Variants in M1AP observed in about 807,000 individuals in gnomAD.
M1AP encodes meiosis 1 arrest protein.
In M1AP, 39 loss-of-function variants were observed where a neutral mutation model predicts 51.2. The observed-to-expected ratio is 0.76, with a 90% CI of 0.59 to 1.00. The LOEUF is 1.00. M1AP is among the 50% of genes least tolerant of loss of function. The pLI is 0.00. For synonymous variants in M1AP, 251 were observed against 249.2 expected, an observed-to-expected ratio of 1.01 and a Z score of -0.07; for missense variants, 545 against 641.2, an observed-to-expected ratio of 0.85 and a Z score of 1.62.
At chr2:74,586,960 C>T (rs1347168964) in intron 4 of M1AP, among the ~76,000 whole-genome samples, 1 of 151,280 alleles carries the variant, frequency 6.6e-6, no homozygotes, top group African/African-American at 2.4e-5. Context: ...TGAGATCGCG[C>T]CATTGCACAC....
Position 74,648,261 on chromosome 2 carries a change from G to A in M1AP, c.-53+4C>T. 2.0e-6 allele frequency: 2 copies of A among 984,762 alleles called. No homozygotes were observed. The highest frequency in any genetic ancestry group is 2.4e-6 in the Non-Finnish European group (2 of 829,294). 61.0% of individuals were successfully genotyped at this position (984,762 alleles called of 1,614,324 possible). ...CTCCCTCCCCGAGGCGTGGAGAACC[G>A]TACCTGTCTTCGGAAGACGGAGGCC... On this transcript the variant is annotated splice_donor_region_variant and intron_variant, in intron 1 of 10. Coordinates refer to ENST00000421985, the MANE Select transcript of M1AP (RefSeq NM_001321739.2).
chr2:74,557,920 G>GT lies in M1AP; in HGVS notation c.*795_*796insA, dbSNP rs1677612553. On this transcript the variant is annotated 3_prime_UTR_variant, in exon 11 of 11. Coordinates refer to ENST00000421985, the MANE Select transcript of M1AP (RefSeq NM_001321739.2). ...AGTTTTTATTATTTATGTAGAGATG[G>GT]CGGGGGGGTCTCACAGTGTTGCTCA... 6.7e-6 allele frequency: 1 copy of GT among 149,062 alleles called. No homozygotes were observed. Among genetic ancestry groups the GT allele is most frequent in the South Asian group, 2.1e-4 (1 of 4,660 alleles). 9.2% of individuals were successfully genotyped at this position (149,062 alleles called of 1,614,324 possible). A position where few individuals can be genotyped will look rare whatever the true frequency, so the allele number is the denominator to read the frequency against.
chr2:74,611,693 G>A (rs1163074766), intron 3 of M1AP, among the ~76,000 whole-genome samples: 3 of 151,416 alleles, frequency 2.0e-5, no homozygotes, highest in Non-Finnish European at 2.9e-5. Context: ...TTAGTCAGGC[G>A]TGGTGGCGCA....
chr2:74,613,193 G>A (rs976045035), intron 3 of M1AP, among the ~76,000 whole-genome samples: 1 of 151,954 alleles, frequency 6.6e-6, no homozygotes, highest in Non-Finnish European at 1.5e-5. Context: ...CATTCCGTCT[G>A]CTTTATCCAT....
chr2:74,565,825 TCACA>T (rs72206117), intron 7 of M1AP, among the ~76,000 whole-genome samples: 9,420 of 137,538 alleles, frequency 0.068, 366 homozygotes, highest in African/African-American at 0.11. Flanking sequence ...TGAGATGCCG[TCACA>T]CACACACACA....
chr2:74,628,457 C>T, intron 2 of M1AP: 2 of 415,930 alleles, frequency 4.8e-6, no homozygotes, highest in South Asian at 4.3e-5. Flanking sequence ...CATCTGCTAA[C>T]ACCATACCCA....
At chr2:74,619,128 T>C in intron 2 of M1AP, 1 of 284,964 alleles carries the variant, frequency 3.5e-6, no homozygotes, top group Non-Finnish European at 7.2e-6. Context: ...ACGGCACAGG[T>C]TCCAGGTCCT....
At chr2:74,647,299 T>C in intron 1 of M1AP, 1 of 985,412 alleles carries the variant, frequency 1.0e-6, no homozygotes, top group Non-Finnish European at 1.2e-6. Flanking sequence ...CTTCTCGCTG[T>C]GTCTGCCTCT....
At chr2:74,592,483 T>C (rs986911174) in intron 4 of M1AP, among the ~76,000 whole-genome samples, 25 of 152,162 alleles carry the variant, frequency 1.6e-4, no homozygotes, top group African/African-American at 6.0e-4. Flanking sequence ...CATTTTTCTC[T>C]AGTGTTTTTG....
At chr2:74,575,223 A>T in intron 7 of M1AP, 1 of 884,532 alleles carries the variant, frequency 1.1e-6, no homozygotes, top group Non-Finnish European at 1.4e-6. Flanking sequence ...TTTCAAGTTT[A>T]GTGTTGTATA....
In M1AP at chr2:74,607,124, C is replaced by T. The variant is rs532365781; in HGVS notation, c.526G>A (p.Val176Ile). 2.5e-5 allele frequency: 41 copies of T among 1,614,172 alleles called. 1 individual carries two copies. The highest frequency in any genetic ancestry group is 2.4e-4 in the South Asian group (22 of 91,086). ...DLARVRRFQV[V>I]EVTKGILEHV... Reference sequence around the variant, plus strand: ...TCTAGGATTCCCTTTGTGACCTCAACGACCTGAAACCTCCTGACTCTGGCT... The same window carrying T: ...TCTAGGATTCCCTTTGTGACCTCAATGACCTGAAACCTCCTGACTCTGGCT... The change falls in exon 4 of 11, where the codon GTT becomes ATT. Residue 176 changes from valine (V) to isoleucine (I), a missense_variant. Transcript: ENST00000421985.
chr2:74,631,365 A>G (rs1682693747), intron 2 of M1AP, among the ~76,000 whole-genome samples: 1 of 152,192 alleles, frequency 6.6e-6, no homozygotes, highest in Non-Finnish European at 1.5e-5. Flanking sequence ...CTTTAGCAGT[A>G]TCTATCAATT....
rs1678088445 is a variant in M1AP at position 74,562,435 on chromosome 2, A to T, written c.1075-12T>A. 1.9e-6 allele frequency: 3 copies of T among 1,613,984 alleles called. No individual in the cohort carries two copies. Among genetic ancestry groups the T allele is most frequent in the Non-Finnish European group, 8.5e-7 (1 of 1,179,890 alleles). ...AGCCATTCCCTTTTCTGAAACAAGG[A>T]CATACAGAAATACTGGTTCATCTTT... On this transcript the variant is annotated splice_polypyrimidine_tract_variant and intron_variant, in intron 7 of 10. Coordinates refer to ENST00000421985, the MANE Select transcript of M1AP (RefSeq NM_001321739.2).
chr2:74,561,124 GAGAAGGAGGAGGAGGAGA>G (rs1558643665), intron 8 of M1AP, among the ~76,000 whole-genome samples: 23 of 62,790 alleles, frequency 3.7e-4, no homozygotes, highest in African/African-American at 1.4e-3. Context: ...GGAGGAGGAG[GAGAAGGAGGAGGAGGAGA>G]AGGAGGAGGA....
chr2:74,576,466 G>A lies in M1AP; in HGVS notation c.922C>T (p.Gln308Ter). 1.9e-6 allele frequency: 3 copies of A among 1,613,716 alleles called. 1 individual carries two copies. The highest frequency in any genetic ancestry group is 2.7e-5 in the African/African-American group (2 of 75,036). ...SQSSASHYKL[Q>*]VIKALKSSGL... Reference sequence around the variant, plus strand: ...TCCCTTGGACCATACTTGATCACTTGGAGCTTGTAATGAGAGGCCGATGAC... The same window carrying A: ...TCCCTTGGACCATACTTGATCACTTAGAGCTTGTAATGAGAGGCCGATGAC... Residue 308 changes from glutamine (Q) to a stop codon, truncating the protein, a stop_gained, in exon 6 of 11, where the codon CAA becomes TAA. Coordinates refer to ENST00000421985, the MANE Select transcript of M1AP (RefSeq NM_001321739.2). LOFTEE classifies it high-confidence loss of function.
At chr2:74,591,911 G>A (rs980077055) in intron 4 of M1AP, among the ~76,000 whole-genome samples, 1 of 152,062 alleles carries the variant, frequency 6.6e-6, no homozygotes, top group Non-Finnish European at 1.5e-5. Flanking sequence ...TCAGCCTTCT[G>A]AGTAGCTGGG....
At chr2:74,561,244 G>GAGGAGA (rs1677984392) in intron 8 of M1AP, among the ~76,000 whole-genome samples, 2 of 82,500 alleles carry the variant, frequency 2.4e-5, no homozygotes, top group African/African-American at 4.8e-5. Context: ...GGAGGAGGAG[G>GAGGAGA]AGGAGGAGGA....
At chr2:74,582,397 A>G (rs1679461451) in intron 4 of M1AP, among the ~76,000 whole-genome samples, 1 of 152,234 alleles carries the variant, frequency 6.6e-6, no homozygotes, top group Non-Finnish European at 1.5e-5. Flanking sequence ...AATCCCCTCA[A>G]TAGGGAATAT....
At chr2:74,628,784 G>A (rs1682543688) in intron 2 of M1AP, 1 of 508,560 alleles carries the variant, frequency 2.0e-6, no homozygotes, top group African/African-American at 2.0e-5. Context: ...GTAACTCACA[G>A]AGAAGATAGA....
Sources: allele counts gnomAD v4.1 joint callset (sites outside exome capture counted in the v4.1 genomes callset), GRCh38; gene constraint gnomAD v4.1.1; transcripts MANE v1.5; gene names NCBI Gene and HGNC (gene_info 2026-07-23, HGNC 2026-07-21).